The following GRIN2A variants were observed in gnomAD, a reference collection of about 807,000 sequenced individuals.
The protein encoded by GRIN2A is glutamate ionotropic receptor NMDA type subunit 2A.
GRIN2A carries 22 observed loss-of-function variants against 113.4 expected under a neutral mutation model. The ratio of observed to expected loss-of-function variants is 0.19; its 90% CI spans 0.14 to 0.28. The LOEUF is 0.28. Among genes scored for constraint, GRIN2A ranks in the 10% least tolerant of loss-of-function variants. GRIN2A has a pLI of 1.00. For synonymous variants in GRIN2A, 827 were observed against 738.4 expected (o/e 1.12, Z -1.94); for missense variants, 1,502 against 1,887.0 (o/e 0.80, Z 3.78).
chr16:9,835,474 G>T (rs942829251), intron 7 of GRIN2A, among the ~76,000 whole-genome samples: 2 of 152,046 alleles, frequency 1.3e-5, no homozygotes, highest in Non-Finnish European at 2.9e-5. Flanking sequence ...TTAGCTGACT[G>T]CAGCCATTTT....
At chr16:10,165,339 A>T (rs558305140) in intron 2 of GRIN2A, among the ~76,000 whole-genome samples, 7 of 151,806 alleles carry the variant, frequency 4.6e-5, no homozygotes, top group Non-Finnish European at 1.0e-4. Flanking sequence ...AATAAACCAA[A>T]ATGTTAATAG....
chr16:10,154,423 T>C (rs1567337148), intron 2 of GRIN2A, among the ~76,000 whole-genome samples: 1 of 152,212 alleles, frequency 6.6e-6, no homozygotes, highest in Non-Finnish European at 1.5e-5. Context: ...GCTTTGCCTG[T>C]GGCACTTAAT....
chr16:9,757,575 C>G lies in GRIN2A; in HGVS notation c.*5574G>C, dbSNP rs972212883. 2 of 226,252 alleles carry G rather than the reference C, an allele frequency of 8.8e-6. No homozygotes were observed. Among genetic ancestry groups the G allele is most frequent in the Middle Eastern group, 1.4e-3 (1 of 740 alleles). The allele number at this position is 226,252 out of a possible 1,614,324, so 14.0% of individuals were successfully genotyped here. ...TCTATTTATTTTGCATCCCCTCCCC[C>G]ACAATCCCAAACTGGCTTTCAAAAT... On this transcript the variant is annotated 3_prime_UTR_variant, in exon 13 of 13. Coordinates refer to ENST00000330684, the MANE Select transcript of GRIN2A (RefSeq NM_001134407.3).
At chr16:9,990,284 G>A (rs1750002529) in intron 2 of GRIN2A, among the ~76,000 whole-genome samples, 1 of 152,138 alleles carries the variant, frequency 6.6e-6, no homozygotes, top group African/African-American at 2.4e-5. Context: ...CAAGGGAACA[G>A]AAATCCAAGT....
intron 2 of GRIN2A, among the ~76,000 whole-genome samples, chr16:10,064,770 G>A (rs1443752528): frequency 6.6e-6 from 1 of 152,278 alleles, no homozygotes; most frequent in East Asian, 1.9e-4. Flanking sequence ...TTCTCCATGT[G>A]CTTCAGTGAA....
At chr16:9,918,884 T>C (rs2141575314) in intron 3 of GRIN2A, among the ~76,000 whole-genome samples, 1 of 151,994 alleles carries the variant, frequency 6.6e-6, no homozygotes, top group East Asian at 1.9e-4. Context: ...GGTTAATGTC[T>C]GAAATTGGAG....
At chr16:9,960,121 A>G (rs2045407128) in intron 2 of GRIN2A, among the ~76,000 whole-genome samples, 1 of 152,254 alleles carries the variant, frequency 6.6e-6, no homozygotes, top group Non-Finnish European at 1.5e-5. Context: ...AGAACCTAGT[A>G]GTAAAAAAGG....
At chr16:9,860,637 T>C (rs1302666170) in intron 4 of GRIN2A, among the ~76,000 whole-genome samples, 3 of 151,970 alleles carry the variant, frequency 2.0e-5, no homozygotes, top group South Asian at 2.1e-4. Context: ...AGTGCAGAGA[T>C]AGAGTTTGTA....
intron 2 of GRIN2A, among the ~76,000 whole-genome samples, chr16:10,094,904 A>T (rs1429555508): frequency 1.4e-5 from 2 of 147,334 alleles, no homozygotes; most frequent in African/African-American, 2.5e-5. Flanking sequence ...AAAAAAAAAA[A>T]ATGAGGACTT....
At chr16:9,804,696 C>T (rs1427211383) in intron 10 of GRIN2A, among the ~76,000 whole-genome samples, 1 of 152,048 alleles carries the variant, frequency 6.6e-6, no homozygotes, top group African/African-American at 2.4e-5. Context: ...AGACCAAAGA[C>T]ACCTTGGCTT....
chr16:10,100,329 A>G (rs1326211566), intron 2 of GRIN2A, among the ~76,000 whole-genome samples: 1 of 152,242 alleles, frequency 6.6e-6, no homozygotes, highest in Non-Finnish European at 1.5e-5. Flanking sequence ...GATTTTGAGC[A>G]AGAAGCAAAG....
chr16:10,154,314 G>T (rs1247332469), intron 2 of GRIN2A, among the ~76,000 whole-genome samples: 30 of 152,192 alleles, frequency 2.0e-4, no homozygotes, highest in Admixed American at 1.9e-3. Context: ...AGATACAGGG[G>T]CTGTTTGTGC....
intron 2 of GRIN2A, among the ~76,000 whole-genome samples, chr16:10,089,332 A>T (rs975992843): frequency 9.2e-5 from 14 of 152,342 alleles, no homozygotes; most frequent in African/African-American, 3.4e-4. Context: ...ATGTATGCAT[A>T]TGTCTAGATT....
At chr16:10,173,845 TA>T (rs1453243857) in intron 2 of GRIN2A, among the ~76,000 whole-genome samples, 1 of 152,110 alleles carries the variant, frequency 6.6e-6, no homozygotes, top group Admixed American at 6.5e-5. Context: ...AAAAAATATA[TA>T]AAAGCAGGTT....
At chr16:10,019,708 C>G (rs534371325) in intron 2 of GRIN2A, among the ~76,000 whole-genome samples, 6 of 152,138 alleles carry the variant, frequency 3.9e-5, no homozygotes, top group African/African-American at 1.4e-4. Context: ...GTCAGCTCAG[C>G]GAGGGTTCAG....
intron 2 of GRIN2A, among the ~76,000 whole-genome samples, chr16:10,040,644 T>C (rs943681718): frequency 1.7e-4 from 26 of 151,174 alleles, no homozygotes; most frequent in African/African-American, 6.1e-4. Flanking sequence ...ACACATAGCA[T>C]ACACACACAA....
intron 2 of GRIN2A, among the ~76,000 whole-genome samples, chr16:10,050,029 G>A (rs749972453): frequency 2.3e-4 from 35 of 152,278 alleles, no homozygotes; most frequent in Non-Finnish European, 4.1e-4. Flanking sequence ...TCTATGTCCC[G>A]ATACCAAGAA....
intron 2 of GRIN2A, among the ~76,000 whole-genome samples, chr16:10,065,171 G>T (rs1022827192): frequency 6.6e-6 from 1 of 152,140 alleles, no homozygotes; most frequent in Non-Finnish European, 1.5e-5. Flanking sequence ...TTATTTTAAG[G>T]TACCTCGCCT....
At chr16:10,179,893 C>CCCAACACAAAAAAAA in intron 2 of GRIN2A, 105 bp downstream of exon 2, 1 of 719,818 alleles carries the variant, frequency 1.4e-6, no homozygotes, top group East Asian at 3.6e-5. Context: ...CCCCCACCCC[C>CCCAACACAAAAAAAA]ACTTCACATC....
Sources: allele counts gnomAD v4.1 joint callset (sites outside exome capture counted in the v4.1 genomes callset), GRCh38; gene constraint gnomAD v4.1.1; transcripts MANE v1.5; gene names NCBI Gene and HGNC (gene_info 2026-07-23, HGNC 2026-07-21).